The following LITAF variants were observed in gnomAD, a reference collection of about 807,000 sequenced individuals.
The protein encoded by LITAF is lipopolysaccharide induced TNF factor.
Under a neutral mutation model 14.5 loss-of-function variants are expected in LITAF, and 9 were observed. The observed-to-expected ratio is 0.62, with a 90% CI of 0.37 to 1.08. The LOEUF is 1.08. LITAF is among the 50% of genes least tolerant of loss of function. The pLI is 0.01. For missense variants in LITAF, 206 were observed against 213.4 expected (o/e 0.97, Z 0.22); for synonymous variants, 98 against 88.2 (o/e 1.11, Z -0.62).
chr16:11,560,482 G>A (rs1415953817), intron 1 of LITAF, among the ~76,000 whole-genome samples: 2 of 151,396 alleles, frequency 1.3e-5, no homozygotes, highest in East Asian at 1.9e-4. Flanking sequence ...CTGGTGGCGT[G>A]CGCCTGTAAT....
At chr16:11,623,446 G>C (rs544021303) in intron 3 of LITAF, among the ~76,000 whole-genome samples, 23 of 151,538 alleles carry the variant, frequency 1.5e-4, no homozygotes, top group Non-Finnish European at 2.9e-4. Flanking sequence ...CAGATTACGA[G>C]GTCAGGAGTT....
chr16:11,575,233 G>A (rs557391029), intron 1 of LITAF, among the ~76,000 whole-genome samples: 1 of 152,296 alleles, frequency 6.6e-6, no homozygotes, highest in East Asian at 1.9e-4. Flanking sequence ...ATATAGGGAG[G>A]CAAAGTCAAC....
At chr16:11,597,224 T>G (rs978987507) in intron 1 of LITAF, among the ~76,000 whole-genome samples, 1 of 152,118 alleles carries the variant, frequency 6.6e-6, no homozygotes, top group Admixed American at 6.6e-5. Flanking sequence ...AATAAACAAG[T>G]ACCCTGTGAC....
upstream of LITAF, chr16:11,587,537 A>C (rs1238030354): frequency 4.7e-6 from 2 of 429,856 alleles, no homozygotes; most frequent in East Asian, 1.5e-4. Context: ...ACTGGGAGTG[A>C]ACTGGGAAGA....
rs910658056 is a variant in LITAF at position 11,549,815 on chromosome 16, A to G, written c.378-70T>C. Reference sequence around the variant, plus strand: ...AGGGTGAACACTGGCTGCCAAAACCATGTTCATGTCCTTCTTTGTAAAAAG... The same window carrying G: ...AGGGTGAACACTGGCTGCCAAAACCGTGTTCATGTCCTTCTTTGTAAAAAG... On this transcript the variant is annotated intron_variant, in intron 3 of 3. Coordinates refer to ENST00000622633, the MANE Select transcript of LITAF (RefSeq NM_001136472.2). The surrounding 1 kb of genome is among the most constrained non-coding windows in gnomAD (Gnocchi z 4.6). 3.0e-5 allele frequency: 35 copies of G among 1,176,680 alleles called. No homozygotes were observed. In the Admixed American group the frequency reaches 6.6e-4, roughly 22 times the overall value. 72.9% of individuals were successfully genotyped at this position (1,176,680 alleles called of 1,614,324 possible). A position where few individuals can be genotyped will look rare whatever the true frequency, so the allele number is the denominator to read the frequency against.
intron 3 of LITAF, chr16:11,551,899 C>A: frequency 9.0e-6 from 4 of 445,500 alleles, no homozygotes; most frequent in Non-Finnish European, 1.6e-5. Context: ...TGTTTTAATA[C>A]AAATATCCAG....
intron 1 of LITAF, among the ~76,000 whole-genome samples, chr16:11,565,636 C>T (rs549076167): frequency 2.0e-5 from 3 of 152,122 alleles, no homozygotes; most frequent in East Asian, 1.9e-4. Context: ...TTGACTAGCG[C>T]GACTCCCTGC....
chr16:11,555,770 C>A (rs1194287764), intron 2 of LITAF, among the ~76,000 whole-genome samples: 1 of 152,110 alleles, frequency 6.6e-6, no homozygotes, highest in African/African-American at 2.4e-5. Context: ...TTGAACACAA[C>A]AATAAGAGTT....
chr16:11,582,330 AAAAAAAAAG>A (rs2064751006), intron 1 of LITAF, among the ~76,000 whole-genome samples: 1 of 151,570 alleles, frequency 6.6e-6, no homozygotes, highest in Non-Finnish European at 1.5e-5. Flanking sequence ...AAAAAAAAAA[AAAAAAAAAG>A]AACTCCCCAC....
intron 3 of LITAF, among the ~76,000 whole-genome samples, chr16:11,607,546 A>G (rs746859344): frequency 8.6e-4 from 121 of 139,942 alleles, no homozygotes; most frequent in Middle Eastern, 3.7e-3. Context: ...ATCATTCGGG[A>G]AAAAAAAAAA....
At chr16:11,570,359 C>G (rs1010987341) in intron 1 of LITAF, among the ~76,000 whole-genome samples, 1 of 152,086 alleles carries the variant, frequency 6.6e-6, no homozygotes, top group Non-Finnish European at 1.5e-5. Context: ...CACAGTCACA[C>G]GGGGGCTTCA....
chr16:11,625,703 A>G (rs1298794412), intron 3 of LITAF, among the ~76,000 whole-genome samples: 1 of 152,168 alleles, frequency 6.6e-6, no homozygotes, highest in Non-Finnish European at 1.5e-5. Flanking sequence ...CAGAGCAGAA[A>G]GAGATCAACC....
Position 11,553,644 on chromosome 16 carries a change from T to C in LITAF, c.266A>G (p.Asp89Gly). ...AGGACAACACATTTGGATAGGGCGGTCCAAAAAGGTGATGGGGTGCTGCAC... is the reference window on the plus strand; with the variant it reads ...AGGACAACACATTTGGATAGGGCGGCCCAAAAAGGTGATGGGGTGCTGCAC... ...VYVQHPITFLDRPIQMCCPSC... is the reference protein window; with the variant it reads ...VYVQHPITFLGRPIQMCCPSC... Residue 89 changes from aspartate (D) to glycine (G), a missense_variant, in exon 3 of 4, where the codon GAC becomes GGC. Asp to Gly is a moderately conservative substitution (Grantham distance 94). Coordinates refer to ENST00000622633, the MANE Select transcript of LITAF (RefSeq NM_001136472.2). This position sits in a 1 kb window ranked among gnomAD's most constrained non-coding sequence, Gnocchi z 7.7. 2 of 1,613,924 alleles carry C rather than the reference T, an allele frequency of 1.2e-6. No individual in the cohort carries two copies. Among genetic ancestry groups the C allele is most frequent in the Non-Finnish European group, 1.7e-6 (2 of 1,179,978 alleles).
Position 11,586,873 on chromosome 16 carries a change from G to C in LITAF, c.-6+13C>G, listed in dbSNP as rs1296266623. The C allele has an allele frequency of 6.6e-6, 1 of 152,146 alleles. No homozygotes were observed. The highest frequency in any genetic ancestry group is 1.9e-4 in the East Asian group (1 of 5,180). 9.4% of individuals were successfully genotyped at this position (152,146 alleles called of 1,614,324 possible). A position where few individuals can be genotyped will look rare whatever the true frequency, so the allele number is the denominator to read the frequency against. On this transcript the variant is annotated intron_variant, in intron 1 of 3. Transcript: ENST00000622633. This position sits in a 1 kb window ranked among gnomAD's most constrained non-coding sequence, Gnocchi z 6.5. ...CTGGTCCCCGCGCCCCGGCGTCCCC[G>C]CGCCGCACTCACCGCCGCCCGCGCC...
rs192836386 is a variant in LITAF at position 11,626,563 on chromosome 16, C to A, written c.85+6970G>T. ...CCATATTGGCCAGGCTGGTCTCCAACTCCTGACCTCATGATCTGCTGGCCT... is the reference window on the plus strand; with the variant it reads ...CCATATTGGCCAGGCTGGTCTCCAAATCCTGACCTCATGATCTGCTGGCCT... On this transcript the variant is annotated intron_variant, in intron 3 of 3. Coordinates refer to the LITAF transcript ENST00000574848. Among the ~76,000 whole-genome samples the A allele has an allele frequency of 1.5e-3, 224 of 152,300 alleles. 1 individual carries two copies. Among genetic ancestry groups the A allele is most frequent in the African/African-American group, 5.2e-3 (217 of 41,572 alleles).
upstream of LITAF, among the ~76,000 whole-genome samples, chr16:11,637,288 G>T (rs769943899): frequency 5.3e-5 from 8 of 152,206 alleles, no homozygotes; most frequent in Non-Finnish European, 1.0e-4. Flanking sequence ...ATCTCTTTGG[G>T]TCAGTGTGGC....
chr16:11,580,586 A>T (rs2064716793), intron 1 of LITAF, among the ~76,000 whole-genome samples: 1 of 151,988 alleles, frequency 6.6e-6, no homozygotes, highest in Non-Finnish European at 1.5e-5. Context: ...AGGAGACTGA[A>T]GGTCGACACC....
intron 3 of LITAF, among the ~76,000 whole-genome samples, chr16:11,624,529 G>T (rs990120055): frequency 7.2e-5 from 11 of 152,234 alleles, no homozygotes; most frequent in Non-Finnish European, 1.5e-4. Context: ...GCCTACCACA[G>T]TGGGGCATGT....
chr16:11,559,068 T>C (rs1047259044), intron 1 of LITAF, among the ~76,000 whole-genome samples: 2 of 152,052 alleles, frequency 1.3e-5, no homozygotes, highest in Admixed American at 6.6e-5. Context: ...GACAACATAG[T>C]GATACCCTCT....
Sources: allele counts gnomAD v4.1 joint callset (sites outside exome capture counted in the v4.1 genomes callset), GRCh38; gene constraint gnomAD v4.1.1; non-coding constraint Gnocchi (gnomAD v3.1); transcripts MANE v1.5; gene names NCBI Gene and HGNC (gene_info 2026-07-23, HGNC 2026-07-21).